Variants in PRKN observed in about 807,000 individuals in gnomAD.
The protein encoded by PRKN is E3 ubiquitin-protein ligase parkin.
In PRKN, 56 loss-of-function variants were observed where a neutral mutation model predicts 59.5. The observed-to-expected ratio is 0.94, with a 90% CI of 0.76 to 1.18. The LOEUF (loss-of-function observed/expected upper bound fraction) is 1.18, where lower values mean the gene tolerates loss of function less well. PRKN is among the 50% of genes most tolerant of loss of function. PRKN has a pLI of 0.00. For synonymous variants in PRKN, 250 were observed against 222.1 expected (o/e 1.13, Z -1.12); for missense variants, 657 against 596.4 (o/e 1.10, Z -1.06).
At chr6:162,143,571 G>A (rs1781878827) in intron 4 of PRKN, among the ~76,000 whole-genome samples, 1 of 152,106 alleles carries the variant, frequency 6.6e-6, no homozygotes, top group African/African-American at 2.4e-5. Flanking sequence ...GTTCCTAGCA[G>A]GTGAATACAA....
chr6:162,278,469 T>C (rs139450491), intron 2 of PRKN, among the ~76,000 whole-genome samples: 361 of 152,266 alleles, frequency 2.4e-3, no homozygotes, highest in African/African-American at 7.6e-3. Flanking sequence ...AATTTAGGTT[T>C]ATCAGCTGCA....
intron 2 of PRKN, among the ~76,000 whole-genome samples, chr6:162,414,490 G>A (rs749051319): frequency 6.6e-6 from 1 of 151,524 alleles, no homozygotes; most frequent in Non-Finnish European, 1.5e-5. Flanking sequence ...GCTGGATCAC[G>A]AGGTCAGGAG....
chr6:162,460,042 TGTC>T (rs1433868556), intron 1 of PRKN, among the ~76,000 whole-genome samples: 1 of 152,210 alleles, frequency 6.6e-6, no homozygotes, highest in Non-Finnish European at 1.5e-5. Context: ...ATGAAAAATA[TGTC>T]CAAATAAAAA....
intron 7 of PRKN, among the ~76,000 whole-genome samples, chr6:161,615,240 CT>C (rs1367605664): frequency 2.0e-5 from 3 of 152,098 alleles, no homozygotes; most frequent in African/African-American, 7.2e-5. Flanking sequence ...GGCTTCTAGG[CT>C]GCCTTTCTGC....
intron 6 of PRKN, among the ~76,000 whole-genome samples, chr6:161,922,290 G>T (rs947970680): frequency 2.0e-5 from 3 of 152,072 alleles, no homozygotes; most frequent in Admixed American, 2.0e-4. Context: ...TTATGGTTTT[G>T]AAAAATATTT....
chr6:161,949,602 A>G (rs1779911254), intron 6 of PRKN, among the ~76,000 whole-genome samples: 1 of 152,196 alleles, frequency 6.6e-6, no homozygotes, highest in South Asian at 2.1e-4. Flanking sequence ...GGCCCTCTGC[A>G]AGTGGATCCC....
intron 4 of PRKN, among the ~76,000 whole-genome samples, chr6:162,180,365 T>C (rs1783747755): frequency 6.6e-6 from 1 of 152,306 alleles, no homozygotes; most frequent in South Asian, 2.1e-4. Context: ...CCTGTGCTTA[T>C]TTCACATTGC....
At chr6:161,758,900 C>T (rs780097242) in intron 7 of PRKN, among the ~76,000 whole-genome samples, 32 of 152,094 alleles carry the variant, frequency 2.1e-4, no homozygotes, top group Non-Finnish European at 3.5e-4. Flanking sequence ...CATTTCAGGC[C>T]GGGCGCAGTG....
intron 7 of PRKN, among the ~76,000 whole-genome samples, chr6:161,673,623 T>C (rs1293111510): frequency 6.6e-6 from 1 of 152,164 alleles, no homozygotes; most frequent in East Asian, 1.9e-4. Flanking sequence ...TGGCATCTGT[T>C]TGGAGACCAG....
chr6:161,898,537 C>T (rs1220675233), intron 6 of PRKN, among the ~76,000 whole-genome samples: 3 of 152,250 alleles, frequency 2.0e-5, no homozygotes, highest in South Asian at 2.1e-4. Context: ...TCACAGCCAT[C>T]GTTTATGGGA....
At chr6:161,937,139 GTAAA>G (rs1172774107) in intron 6 of PRKN, among the ~76,000 whole-genome samples, 1 of 152,178 alleles carries the variant, frequency 6.6e-6, no homozygotes, top group East Asian at 1.9e-4. Flanking sequence ...AGTCAATACT[GTAAA>G]AAAGAATGTA....
At chr6:161,438,468 A>G (rs1205316198) in intron 9 of PRKN, among the ~76,000 whole-genome samples, 2 of 151,974 alleles carry the variant, frequency 1.3e-5, no homozygotes, top group East Asian at 1.9e-4. Flanking sequence ...CGCCCACCTT[A>G]GCCTCCCAAG....
intron 4 of PRKN, among the ~76,000 whole-genome samples, chr6:162,169,005 A>G (rs1245838455): frequency 1.3e-5 from 2 of 152,168 alleles, no homozygotes; most frequent in South Asian, 2.1e-4. Context: ...CCTAAATTTT[A>G]TATCCTGCTG....
chr6:162,625,234 GTGT>G (rs2128221592), intron 1 of PRKN, among the ~76,000 whole-genome samples: 1 of 152,318 alleles, frequency 6.6e-6, no homozygotes, highest in South Asian at 2.1e-4. Flanking sequence ...GAATAAATCA[GTGT>G]TGTTGAAGCC....
chr6:162,256,952 T>C (rs964564637), intron 3 of PRKN, among the ~76,000 whole-genome samples: 1 of 152,232 alleles, frequency 6.6e-6, no homozygotes, highest in African/African-American at 2.4e-5. Flanking sequence ...TTACTTTTTA[T>C]TTCTTTATGT....
intron 7 of PRKN, among the ~76,000 whole-genome samples, chr6:161,755,415 T>C (rs1159715367): frequency 6.6e-6 from 1 of 152,082 alleles, no homozygotes; most frequent in African/African-American, 2.4e-5. Flanking sequence ...TGTTGGAAAG[T>C]ACTTGATAAC....
intron 1 of PRKN, among the ~76,000 whole-genome samples, chr6:162,609,290 C>G (rs577038027): frequency 6.6e-6 from 1 of 152,250 alleles, no homozygotes; most frequent in Non-Finnish European, 1.5e-5. Context: ...TTCCTGACCT[C>G]GCCTTAGACT....
chr6:161,744,997 C>T (rs568582902), intron 7 of PRKN, among the ~76,000 whole-genome samples: 5 of 152,314 alleles, frequency 3.3e-5, no homozygotes, highest in South Asian at 4.1e-4. Flanking sequence ...AGCAGAGGTA[C>T]AGAAAAGCTT....
intron 1 of PRKN, among the ~76,000 whole-genome samples, chr6:162,604,443 T>C (rs1781826935): frequency 6.6e-6 from 1 of 152,170 alleles, no homozygotes; most frequent in African/African-American, 2.4e-5. Context: ...GAATATTGAT[T>C]GGAAAAGCAC....
Sources: allele counts gnomAD v4.1 joint callset (sites outside exome capture counted in the v4.1 genomes callset), GRCh38; gene constraint gnomAD v4.1.1; transcripts MANE v1.5; gene names NCBI Gene and HGNC (gene_info 2026-07-23, HGNC 2026-07-21).